AFG2A: variants seen among roughly 807,000 people sequenced by gnomAD.
AFG2A encodes AAA ATPase AFG2A.
chr4:123,291,641 T>A, the AFG2A span, among the ~76,000 whole-genome samples: 1 of 152,232 alleles, frequency 6.6e-6, no homozygotes, highest in East Asian at 1.9e-4. Flanking sequence ...TCTACAGTGA[T>A]GGGCTGACAG....
At chr4:123,170,224 TA>T in the AFG2A span, among the ~76,000 whole-genome samples, 5 of 152,206 alleles carry the variant, frequency 3.3e-5, no homozygotes, top group Admixed American at 2.0e-4. Context: ...GCTTTTGAAC[TA>T]GTAAGTCTTC....
At chr4:122,943,998 GA>G in the AFG2A span, among the ~76,000 whole-genome samples, 1 of 152,152 alleles carries the variant, frequency 6.6e-6, no homozygotes, top group South Asian at 2.1e-4. Flanking sequence ...TTTCTGCCGA[GA>G]GATCCGCTGT....
chr4:122,926,256 T>A, the AFG2A span, among the ~76,000 whole-genome samples: 216 of 152,218 alleles, frequency 1.4e-3, 1 homozygote, highest in Middle Eastern at 3.4e-3. Flanking sequence ...AGAACACTTG[T>A]GTGGTAATTG....
chr4:123,060,092 A>G, the AFG2A span, among the ~76,000 whole-genome samples: 1 of 152,180 alleles, frequency 6.6e-6, no homozygotes. Context: ...CACTGATGCA[A>G]GAGAGGGGTT....
chr4:123,113,670 T>G, the AFG2A span, among the ~76,000 whole-genome samples: 1 of 152,170 alleles, frequency 6.6e-6, no homozygotes, highest in African/African-American at 2.4e-5. Context: ...TTCCCCAAGG[T>G]TGGGCCTGAT....
At chr4:122,982,733 C>A in the AFG2A span, among the ~76,000 whole-genome samples, 1 of 151,014 alleles carries the variant, frequency 6.6e-6, no homozygotes, top group Non-Finnish European at 1.5e-5. Context: ...CTGGGAATTT[C>A]TTTCTTTCTT....
the AFG2A span, among the ~76,000 whole-genome samples, chr4:123,188,081 G>A: frequency 1.3e-5 from 2 of 151,448 alleles, no homozygotes; most frequent in East Asian, 3.9e-4. Context: ...ATAATGAAGT[G>A]TGCTCTTTCA....
At chr4:122,963,395 G>A in the AFG2A span, among the ~76,000 whole-genome samples, 1 of 152,170 alleles carries the variant, frequency 6.6e-6, no homozygotes, top group Admixed American at 6.5e-5. Flanking sequence ...CAGATGAAAT[G>A]AGGTAAGCAC....
chr4:123,209,571 C>T, the AFG2A span, among the ~76,000 whole-genome samples: 30 of 145,130 alleles, frequency 2.1e-4, no homozygotes, highest in African/African-American at 5.8e-4. Flanking sequence ...GTTCAGCCAA[C>T]GGGATGCATC....
chr4:122,963,369 C>CAAAG, the AFG2A span, among the ~76,000 whole-genome samples: 1 of 152,124 alleles, frequency 6.6e-6, no homozygotes, highest in East Asian at 1.9e-4. Flanking sequence ...GAAGAGAACC[C>CAAAG]AAAGAAGTGG....
the AFG2A span, among the ~76,000 whole-genome samples, chr4:123,255,323 G>A: frequency 6.6e-6 from 1 of 151,868 alleles, no homozygotes; most frequent in Admixed American, 6.6e-5. Context: ...TCAGGAGTTC[G>A]AGACAAGCCT....
chr4:123,234,904 C>T, the AFG2A span, among the ~76,000 whole-genome samples: 1 of 152,114 alleles, frequency 6.6e-6, no homozygotes, highest in Admixed American at 6.6e-5. Context: ...TAAAGTGAGA[C>T]TAATAATAGT....
the AFG2A span, among the ~76,000 whole-genome samples, chr4:123,233,139 G>A: frequency 1.3e-5 from 2 of 152,026 alleles, no homozygotes. Flanking sequence ...CATGACCCAC[G>A]TGAAAAGATT....
At chr4:123,120,245 C>T in the AFG2A span, among the ~76,000 whole-genome samples, 2 of 152,052 alleles carry the variant, frequency 1.3e-5, no homozygotes, top group Non-Finnish European at 2.9e-5. Context: ...ATTTGAGTTT[C>T]TCCGGTGAAT....
the AFG2A span, among the ~76,000 whole-genome samples, chr4:123,180,909 G>T: frequency 6.6e-6 from 1 of 151,024 alleles, no homozygotes; most frequent in African/African-American, 2.4e-5. Flanking sequence ...TTTAGGCTAT[G>T]CAGGCCACAT....
the AFG2A span, among the ~76,000 whole-genome samples, chr4:123,286,406 T>G: frequency 6.6e-6 from 1 of 152,218 alleles, no homozygotes; most frequent in Non-Finnish European, 1.5e-5. Flanking sequence ...ACTTTTGTAT[T>G]TGATGCATAA....
At chr4:123,023,807 T>C in the AFG2A span, among the ~76,000 whole-genome samples, 6 of 152,120 alleles carry the variant, frequency 3.9e-5, no homozygotes, top group African/African-American at 1.4e-4. Context: ...CCAGCTACCC[T>C]GCACTGTACG....
the AFG2A span, among the ~76,000 whole-genome samples, chr4:123,155,633 A>G: frequency 3.0e-5 from 4 of 133,004 alleles, no homozygotes; most frequent in Non-Finnish European, 5.3e-5. Context: ...AAAAATAACT[A>G]TCTGTAGCAT....
chr4:123,288,310 A>G, the AFG2A span, among the ~76,000 whole-genome samples: 1 of 152,272 alleles, frequency 6.6e-6, no homozygotes, highest in South Asian at 2.1e-4. Context: ...TAAGGTGAGA[A>G]ATTACAACGT....
Sources: allele counts gnomAD v4.1 joint callset (sites outside exome capture counted in the v4.1 genomes callset), GRCh38; gene constraint gnomAD v4.1.1; transcripts MANE v1.5; gene names NCBI Gene and HGNC (gene_info 2026-07-23, HGNC 2026-07-21).